Variants in SMG7 observed in about 807,000 individuals in gnomAD.
SMG7 encodes SMG7 nonsense mediated mRNA decay factor, also known as nonsense-mediated mRNA decay factor SMG7.
A neutral mutation model predicts 148.2 loss-of-function variants in SMG7; 34 were observed. The ratio of observed to expected loss-of-function variants is 0.23; its 90% CI spans 0.17 to 0.31. The LOEUF is 0.31. Ranked by LOEUF, SMG7 falls within the 10% of genes least tolerant of loss-of-function variation. The pLI is 1.00. For missense variants in SMG7, 1,114 were observed against 1,408.4 expected (o/e 0.79, Z 3.35); for synonymous variants, 492 against 515.1 (o/e 0.96, Z 0.61).
chr1:183,551,023 C>G (rs1167388545), intron 21 of SMG7, 22 bp from the exon 22 acceptor site: 1 of 1,613,924 alleles, frequency 6.2e-7, no homozygotes, highest in Non-Finnish European at 8.5e-7. Context: ...TTGAATTTTT[C>G]TTATCTCTTT....
chr1:183,488,187 A>G (rs1056206784), intron 1 of SMG7, among the ~76,000 whole-genome samples: 1 of 152,172 alleles, frequency 6.6e-6, no homozygotes, highest in African/African-American at 2.4e-5. Context: ...TTGCCTTTCA[A>G]ATGGTGACAT....
At chr1:183,505,608 T>C (rs373203535) in intron 1 of SMG7, among the ~76,000 whole-genome samples, 1 of 152,248 alleles carries the variant, frequency 6.6e-6, no homozygotes, top group East Asian at 1.9e-4. Context: ...TTGATACTTA[T>C]CTCTGAATGC....
At chr1:183,512,046 G>C (rs1433543306) in intron 1 of SMG7, among the ~76,000 whole-genome samples, 1 of 152,156 alleles carries the variant, frequency 6.6e-6, no homozygotes, top group East Asian at 1.9e-4. Context: ...GGCAATTCTT[G>C]ATGAATTTGA....
chr1:183,554,075 T>A lies in SMG7; in HGVS notation c.*2144T>A, dbSNP rs1318193644. The A allele has an allele frequency of 6.6e-6, 1 of 152,586 alleles. No homozygotes were observed. Among genetic ancestry groups the A allele is most frequent in the East Asian group, 1.9e-4 (1 of 5,184 alleles). The allele number at this position is 152,586 out of a possible 1,614,324, so 9.5% of individuals were successfully genotyped here. On this transcript the variant is annotated 3_prime_UTR_variant, in exon 23 of 23. Transcript: ENST00000688051. Reference sequence around the variant, plus strand: ...AGAAACTGGTTTTGTGTAGTAAACTTTCTTTTGTGGTTTTTTGTTTTGTTT... The same window carrying A: ...AGAAACTGGTTTTGTGTAGTAAACTATCTTTTGTGGTTTTTTGTTTTGTTT...
intron 1 of SMG7, among the ~76,000 whole-genome samples, chr1:183,489,116 T>C (rs1337974018): frequency 6.6e-6 from 1 of 152,186 alleles, no homozygotes; most frequent in Non-Finnish European, 1.5e-5. Flanking sequence ...AACCCTCACT[T>C]TTCATACAGA....
rs1044497584 is a variant in SMG7 at position 183,552,660 on chromosome 1, C to T, written c.*729C>T. The T allele has an allele frequency of 1.3e-5, 15 of 1,122,576 alleles. No individual in the cohort carries two copies. The highest frequency in any genetic ancestry group is 1.6e-5 in the Non-Finnish European group (15 of 913,242). 69.5% of individuals were successfully genotyped at this position (1,122,576 alleles called of 1,614,324 possible). A position where few individuals can be genotyped will look rare whatever the true frequency, so the allele number is the denominator to read the frequency against. On this transcript the variant is annotated 3_prime_UTR_variant, in exon 23 of 23. Transcript: ENST00000688051. The stretch of plus-strand genomic sequence containing the variant: ...ACTCTGTAGGTGCTCGAGCCCCAAT[C>T]GAGGATACAGTGTGGGTGGTGGTGC...
intron 14 of SMG7, among the ~76,000 whole-genome samples, chr1:183,543,284 A>G (rs1669268019): frequency 6.6e-6 from 1 of 152,188 alleles, no homozygotes; most frequent in African/African-American, 2.4e-5. Context: ...ATTTTAGCAA[A>G]TGTATGTGTT....
At chr1:183,524,571 A>G (rs996595941) in intron 4 of SMG7, among the ~76,000 whole-genome samples, 58 of 152,220 alleles carry the variant, frequency 3.8e-4, no homozygotes, top group African/African-American at 1.3e-3. Context: ...AAAAGGTGGC[A>G]TGATTCAGAT....
In SMG7 at chr1:183,477,636, A is replaced by G. The variant is rs553376925; in HGVS notation, c.29+4987A>G. 6.2e-5 allele frequency among the ~76,000 whole-genome samples: 8 copies of G among 128,398 alleles called. No homozygotes were observed. In the East Asian group the frequency reaches 1.2e-3, roughly 19 times the overall value. 84.2% of individuals were successfully genotyped at this position (128,398 alleles called of 152,430 possible). Reference sequence around the variant, plus strand: ...TATACGTGTGTGCATATGTGTATATATGCATATATACGTGTGTGCATATGT... The same window carrying G: ...TATACGTGTGTGCATATGTGTATATGTGCATATATACGTGTGTGCATATGT... On this transcript the variant is annotated intron_variant, in intron 1 of 22. Coordinates refer to ENST00000688051, the MANE Select transcript of SMG7 (RefSeq NM_001375584.1).
chr1:183,526,488 G>C (rs1327773683), intron 4 of SMG7, 108 bp from the exon 5 acceptor site: 6 of 675,240 alleles, frequency 8.9e-6, no homozygotes, highest in East Asian at 8.5e-5. Flanking sequence ...TGCAGTTTTT[G>C]TTCAGATTTC....
At position 183,549,366 on chromosome 1, in the gene SMG7, GTC is replaced by G; in HGVS notation, c.2973+80_2973+81del. ...TGTCTTTCTCATACTGTTTCAGTAT[GTC>G]TGTTTTTTCTTTATTTTCCATGTAT... On this transcript the variant is annotated intron_variant, in intron 19 of 22. Transcript: ENST00000688051. 3 of 1,062,728 alleles carry G rather than the reference GTC, an allele frequency of 2.8e-6. No individual in the cohort carries two copies. In the Middle Eastern group the frequency reaches 6.1e-4, roughly 217 times the overall value. 65.8% of individuals were successfully genotyped at this position (1,062,728 alleles called of 1,614,324 possible).
At chr1:183,475,940 A>G (rs2102004988) in intron 1 of SMG7, among the ~76,000 whole-genome samples, 1 of 152,368 alleles carries the variant, frequency 6.6e-6, no homozygotes, top group East Asian at 1.9e-4. Flanking sequence ...TGGGGGAGGC[A>G]TAGGTCCTGG....
intron 1 of SMG7, among the ~76,000 whole-genome samples, chr1:183,491,487 A>G (rs1656987578): frequency 6.6e-6 from 1 of 150,584 alleles, no homozygotes; most frequent in Non-Finnish European, 1.5e-5. Context: ...AAATGTGTGC[A>G]TGTGCATGTA....
chr1:183,520,507 G>A (rs1297810419), intron 4 of SMG7, among the ~76,000 whole-genome samples: 1 of 151,860 alleles, frequency 6.6e-6, no homozygotes, highest in African/African-American at 2.4e-5. Flanking sequence ...TTTTGTTTCT[G>A]ATTCAAATCT....
At chr1:183,548,701 G>A (rs192697288) in intron 18 of SMG7, among the ~76,000 whole-genome samples, 23 of 152,288 alleles carry the variant, frequency 1.5e-4, no homozygotes, top group African/African-American at 5.3e-4. Flanking sequence ...GCCAATAAAT[G>A]TAAGCTTGAC....
intron 1 of SMG7, among the ~76,000 whole-genome samples, chr1:183,500,592 T>C (rs1278998037): frequency 1.3e-5 from 2 of 152,172 alleles, no homozygotes; most frequent in Admixed American, 1.3e-4. Context: ...AGGAAATGTG[T>C]ACACAAATAA....
intron 1 of SMG7, among the ~76,000 whole-genome samples, chr1:183,486,273 T>G (rs1001864944): frequency 1.3e-5 from 2 of 152,234 alleles, no homozygotes; most frequent in Non-Finnish European, 2.9e-5. Flanking sequence ...TTACGTGAAT[T>G]TCTCAGAGTA....
In SMG7 at chr1:183,553,303, ATT is replaced by A; in HGVS notation, c.*1375_*1376del. 1 of 1,183,996 alleles carries A rather than the reference ATT, an allele frequency of 8.4e-7. No individual in the cohort carries two copies. The highest frequency in any genetic ancestry group is 1.2e-6 in the Non-Finnish European group (1 of 864,374). 73.3% of individuals were successfully genotyped at this position (1,183,996 alleles called of 1,614,324 possible). On this transcript the variant is annotated 3_prime_UTR_variant, in exon 23 of 23. Transcript: ENST00000688051. ...GTTAGTCATTTCCTGGAAAAGTAAT[ATT>A]TTAAGGGGAAATTATGGAAACAATC...
chr1:183,490,777 A>G (rs1656758826), intron 1 of SMG7, among the ~76,000 whole-genome samples: 1 of 151,952 alleles, frequency 6.6e-6, no homozygotes, highest in Admixed American at 6.6e-5. Flanking sequence ...AATCCCCCCA[A>G]AGTGCTTTTA....
Sources: gnomAD v4.1 joint callset for allele counts (sites outside exome capture counted in the v4.1 genomes callset) on GRCh38, gnomAD v4.1.1 for gene constraint, MANE v1.5 for transcripts, NCBI Gene and HGNC (gene_info 2026-07-23, HGNC 2026-07-21) for gene names.